Variants in ATP8A2 observed in about 807,000 individuals in gnomAD.
The protein encoded by ATP8A2 is ATPase phospholipid transporting 8A2, also known as phospholipid-transporting ATPase IB.
ATP8A2 carries 100 observed loss-of-function variants against 165.6 expected under a neutral mutation model. The observed-to-expected ratio is 0.60, with a 90% CI of 0.51 to 0.71. The LOEUF (loss-of-function observed/expected upper bound fraction) is 0.71, where lower values mean the gene tolerates loss of function less well. ATP8A2 is among the 30% of genes least tolerant of loss of function. The probability of loss-of-function intolerance (pLI) is 0.00; values close to 1 mark genes in which losing one functional copy is unlikely to be tolerated. For synonymous variants in ATP8A2, 543 were observed against 548.8 expected, an observed-to-expected ratio of 0.99 and a Z score of 0.15; for missense variants, 1,227 against 1,479.5, an observed-to-expected ratio of 0.83 and a Z score of 2.80.
At chr13:25,399,457 G>A (rs1297445068) in intron 1 of ATP8A2, among the ~76,000 whole-genome samples, 2 of 127,406 alleles carry the variant, frequency 1.6e-5, no homozygotes, top group Admixed American at 1.8e-4. Flanking sequence ...GGAGTGCAGT[G>A]GCGGGATCTC....
Position 25,559,042 on chromosome 13 carries a change from A to G in ATP8A2, c.1333A>G (p.Ile445Val), listed in dbSNP as rs1220589176. 3 of 1,611,184 alleles carry G rather than the reference A, an allele frequency of 1.9e-6. No individual in the cohort carries two copies. The highest frequency in any genetic ancestry group is 1.7e-5 in the Admixed American group (1 of 59,790). ...TATCATGAACTTTAAGAAGTGCAGC[A>G]TTGCCGGAGTAACCTATGGGTCAGT... is the stretch of plus-strand genomic sequence containing the variant. ...CNIMNFKKCSIAGVTYGHFPE... is the reference protein window; with the variant it reads ...CNIMNFKKCSVAGVTYGHFPE... The change falls in exon 14 of 37, where the codon ATT (isoleucine) becomes GTT (valine). Residue 445 changes from isoleucine (I) to valine (V), a missense_variant. Around this residue, in one of 5 missense-constraint regions of ATP8A2, gnomAD observed 592 missense variants for 785.6 expected, o/e 0.75. Coordinates refer to ENST00000381655, the MANE Select transcript of ATP8A2 (RefSeq NM_016529.6).
chr13:25,831,476 G>T (rs949394246), intron 28 of ATP8A2, among the ~76,000 whole-genome samples: 1 of 152,046 alleles, frequency 6.6e-6, no homozygotes, highest in Non-Finnish European at 1.5e-5. Flanking sequence ...GCCTCCCAAA[G>T]TTCTGGGATT....
chr13:25,440,141 C>G (rs2034892290), intron 1 of ATP8A2, among the ~76,000 whole-genome samples: 1 of 151,978 alleles, frequency 6.6e-6, no homozygotes, highest in Non-Finnish European at 1.5e-5. Context: ...AGAAAGAGCT[C>G]TACACAGATG....
chr13:25,731,126 A>G (rs990903386), intron 25 of ATP8A2, among the ~76,000 whole-genome samples: 1 of 117,604 alleles, frequency 8.5e-6, no homozygotes, highest in African/African-American at 3.4e-5. Context: ...GGGAAAAGAA[A>G]AGAGAGAGAG....
At chr13:25,905,557 A>G (rs1220630206) in intron 33 of ATP8A2, among the ~76,000 whole-genome samples, 1 of 152,170 alleles carries the variant, frequency 6.6e-6, no homozygotes, top group Non-Finnish European at 1.5e-5. Context: ...AGTTTCGCCA[A>G]CAGCGGTTGG....
chr13:25,814,075 C>G (rs2138530343), intron 27 of ATP8A2, among the ~76,000 whole-genome samples: 1 of 136,392 alleles, frequency 7.3e-6, no homozygotes, highest in East Asian at 2.2e-4. Context: ...TATAATGAAT[C>G]TCTTCATGTG....
intron 33 of ATP8A2, among the ~76,000 whole-genome samples, chr13:25,932,767 T>C (rs1954799766): frequency 6.6e-6 from 1 of 152,220 alleles, no homozygotes; most frequent in Non-Finnish European, 1.5e-5. Flanking sequence ...AAAGGAACCA[T>C]AGTTAATGCC....
intron 4 of ATP8A2, among the ~76,000 whole-genome samples, chr13:25,531,263 A>T (rs368317108): frequency 0.011 from 944 of 84,920 alleles, 29 homozygotes; most frequent in African/African-American, 0.028. Flanking sequence ...GATATATATG[A>T]TATATATGAT....
chr13:25,861,046 G>C (rs1465777115), intron 32 of ATP8A2, among the ~76,000 whole-genome samples, 186 bp downstream of exon 32: 1 of 152,094 alleles, frequency 6.6e-6, no homozygotes, highest in African/African-American at 2.4e-5. Flanking sequence ...TGATTCATTT[G>C]CTTGGCACGT....
intron 25 of ATP8A2, among the ~76,000 whole-genome samples, chr13:25,735,171 T>C (rs2043740227): frequency 6.6e-6 from 1 of 152,212 alleles, no homozygotes; most frequent in Non-Finnish European, 1.5e-5. Context: ...GCTAAAGCAT[T>C]GAATGGCAAG....
chr13:25,569,971 A>G (rs1397583908), intron 16 of ATP8A2, among the ~76,000 whole-genome samples: 2 of 152,210 alleles, frequency 1.3e-5, no homozygotes, highest in Non-Finnish European at 2.9e-5. Context: ...TTTAATACAT[A>G]GGAAGACACA....
At position 25,916,455 on chromosome 13, in the gene ATP8A2, C is replaced by T. The variant is rs28589496; in HGVS notation, c.3184-45120C>T. Reference sequence around the variant, plus strand: ...TGCATGTGGTGCTGGTGTTCAGCTGCGTGCATTTTCACAGGTTGCTGTCTT... The same window carrying T: ...TGCATGTGGTGCTGGTGTTCAGCTGTGTGCATTTTCACAGGTTGCTGTCTT... On this transcript the variant is annotated intron_variant, in intron 33 of 36. Coordinates refer to ENST00000381655, the MANE Select transcript of ATP8A2 (RefSeq NM_016529.6). Among the ~76,000 whole-genome samples the T allele has an allele frequency of 1.0e-3, 159 of 152,322 alleles. No individual in the cohort carries two copies. The East Asian group carries it at 0.022, about 21-fold the overall frequency.
At chr13:25,956,248 T>C (rs1955517932) in intron 33 of ATP8A2, among the ~76,000 whole-genome samples, 1 of 152,114 alleles carries the variant, frequency 6.6e-6, no homozygotes, top group Admixed American at 6.5e-5. Context: ...CTATTTGACG[T>C]AGTATTGGAA....
chr13:25,372,569 G>GGCTC lies in ATP8A2; in HGVS notation c.76+281_76+282insGCTC. ...GTACAGATGTGTGTGTGTGTGTGCG[G>GGCTC]CCTCCCTGTGCGCGTGCCCGTGCGC... On this transcript the variant is annotated intron_variant, in intron 1 of 36. Transcript: ENST00000381655. This position sits in a 1 kb window ranked among gnomAD's most constrained non-coding sequence, Gnocchi z 4.8. Among the ~76,000 whole-genome samples, 1 of 152,078 alleles carries GGCTC rather than the reference G, an allele frequency of 6.6e-6. No homozygotes were observed. The highest frequency in any genetic ancestry group is 1.5e-5 in the Non-Finnish European group (1 of 68,020).
intron 34 of ATP8A2, among the ~76,000 whole-genome samples, chr13:25,963,989 G>A (rs1399074241): frequency 2.0e-5 from 3 of 152,236 alleles, no homozygotes; most frequent in African/African-American, 7.2e-5. Flanking sequence ...TGCCAACTGG[G>A]TCAGAGCATA....
At chr13:25,404,796 G>T (rs528780785) in intron 1 of ATP8A2, among the ~76,000 whole-genome samples, 10 of 152,218 alleles carry the variant, frequency 6.6e-5, no homozygotes, top group African/African-American at 2.4e-4. Context: ...AGGGTGTGGT[G>T]CTGGAAGGTG....
chr13:25,447,710 C>A (rs912413461), intron 1 of ATP8A2, among the ~76,000 whole-genome samples: 1 of 152,172 alleles, frequency 6.6e-6, no homozygotes, highest in African/African-American at 2.4e-5. Flanking sequence ...CAGCCTTGTA[C>A]TCTGCCATTT....
chr13:25,777,062 G>T (rs1302634562), intron 27 of ATP8A2, among the ~76,000 whole-genome samples: 1 of 152,066 alleles, frequency 6.6e-6, no homozygotes, highest in Non-Finnish European at 1.5e-5. Flanking sequence ...CCCTGAAAGT[G>T]CCACATGCGT....
intron 24 of ATP8A2, among the ~76,000 whole-genome samples, chr13:25,692,525 G>A (rs1280252789): frequency 6.6e-6 from 1 of 152,176 alleles, no homozygotes; most frequent in African/African-American, 2.4e-5. Context: ...ATGCATCCAG[G>A]TTCTAGAAGT....
Sources: allele counts gnomAD v4.1 joint callset (sites outside exome capture counted in the v4.1 genomes callset), GRCh38; gene constraint gnomAD v4.1.1; regional missense constraint gnomAD v4.1.1; non-coding constraint Gnocchi (gnomAD v3.1); transcripts MANE v1.5; gene names NCBI Gene and HGNC (gene_info 2026-07-23, HGNC 2026-07-21).